DCUN1D2: variants seen among roughly 807,000 people sequenced by gnomAD.
DCUN1D2 encodes defective in cullin neddylation 1 domain containing 2, also known as DCN1-like protein 2.
DCUN1D2 carries 29 observed loss-of-function variants against 30.9 expected under a neutral mutation model. That is an observed-to-expected ratio of 0.94 (90% CI 0.70 to 1.28). DCUN1D2 has a LOEUF of 1.28. DCUN1D2 is among the 50% of genes most tolerant of loss of function. DCUN1D2 has a pLI of 0.00. For missense variants in DCUN1D2, 325 were observed against 316.9 expected, an observed-to-expected ratio of 1.03 and a Z score of -0.19; for synonymous variants, 121 against 115.3, an observed-to-expected ratio of 1.05 and a Z score of -0.32.
intron 1 of DCUN1D2, among the ~76,000 whole-genome samples, chr13:113,489,994 CT>C (rs903898764): frequency 6.6e-6 from 1 of 152,176 alleles, no homozygotes; most frequent in African/African-American, 2.4e-5. Flanking sequence ...CCAGCAGCAC[CT>C]TGCTGGCCTC....
chr13:113,461,156 A>T lies in DCUN1D2; in HGVS notation c.521-20T>A. On this transcript the variant is annotated intron_variant, in intron 4 of 6. Coordinates refer to ENST00000478244, the MANE Select transcript of DCUN1D2 (RefSeq NM_001014283.2). ...CTAAGTCTGGTAAAAAGAAAGAAAG[A>T]GCAGTTAGTAAATCTCACTCTCTTT... 1 of 1,513,666 alleles carries T rather than the reference A, an allele frequency of 6.6e-7. No homozygotes were observed. Among genetic ancestry groups the T allele is most frequent in the Non-Finnish European group, 9.2e-7 (1 of 1,092,822 alleles). 93.8% of individuals were successfully genotyped at this position (1,513,666 alleles called of 1,614,324 possible).
chr13:113,477,047 T>C lies in DCUN1D2; in HGVS notation c.390-2793A>G, dbSNP rs1387926120. ...CTTGATGCCATGTAGTCTTAATTAC[T>C]GTAGCTTTAAAAGTTCCAATTATCT... is the stretch of plus-strand genomic sequence containing the variant. On this transcript the variant is annotated intron_variant, in intron 3 of 6. Coordinates refer to ENST00000478244, the MANE Select transcript of DCUN1D2 (RefSeq NM_001014283.2). 3.3e-5 allele frequency among the ~76,000 whole-genome samples: 5 copies of C among 152,246 alleles called. No individual in the cohort carries two copies. The East Asian group carries it at 5.8e-4, about 18-fold the overall frequency.
Position 113,483,784 on chromosome 13 carries a change from C to T in DCUN1D2, c.220+56G>A, listed in dbSNP as rs541628880. Reference sequence around the variant, plus strand: ...GCACCAGAACCCTGGAAGTGCAGCGCGCAGGCCGCTCGCGGAGGCCGACAT... The same window carrying T: ...GCACCAGAACCCTGGAAGTGCAGCGTGCAGGCCGCTCGCGGAGGCCGACAT... On this transcript the variant is annotated intron_variant, in intron 2 of 6. Transcript: ENST00000478244. The T allele has an allele frequency of 6.1e-4, 943 of 1,556,158 alleles. 7 individuals carry two copies. The highest frequency in any genetic ancestry group is 1.1e-4 in the Non-Finnish European group (123 of 1,137,686).
In DCUN1D2 at chr13:113,473,800, A is replaced by C. The variant is rs187864735; in HGVS notation, c.520+324T>G. On this transcript the variant is annotated intron_variant, in intron 4 of 6. Transcript: ENST00000478244. ...TGCCTGAGCTCAGGAGTTCGAGACC[A>C]GCATAGGCAACAAGGCAAGACCTTG... is the stretch of plus-strand genomic sequence containing the variant. Among the ~76,000 whole-genome samples, 335 of 152,352 alleles carry C rather than the reference A, an allele frequency of 2.2e-3. 3 individuals carry two copies. The highest frequency in any genetic ancestry group is 0.02 in the South Asian group (96 of 4,832).
At chr13:113,483,705 G>A (rs933530742) in intron 2 of DCUN1D2, 135 bp downstream of exon 2, 1 of 774,918 alleles carries the variant, frequency 1.3e-6, no homozygotes, top group East Asian at 2.6e-5. Context: ...GCAGCTGAGC[G>A]CCGAGCGCTG....
rs568082515 is a variant in DCUN1D2 at position 113,485,405 on chromosome 13, T to C, written c.4-1349A>G. ...TTAGTACAAGGACGTGCCTGTCACA[T>C]GTAAGAGCTGGAAATCAGGCTCCAA... On this transcript the variant is annotated intron_variant, in intron 1 of 6. Transcript: ENST00000478244. Among the ~76,000 whole-genome samples, 47 of 152,286 alleles carry C rather than the reference T, an allele frequency of 3.1e-4. No individual in the cohort carries two copies. The South Asian group carries it at 5.2e-3, about 17-fold the overall frequency.
chr13:113,459,230 G>A lies in DCUN1D2; in HGVS notation c.700+82C>T, dbSNP rs376579773. ...TGACCACGCCCATCTCAGTGACGGG[G>A]TCACCACTCTAGAGGCAGGAGAAGT... On this transcript the variant is annotated intron_variant, in intron 6 of 6. Coordinates refer to ENST00000478244, the MANE Select transcript of DCUN1D2 (RefSeq NM_001014283.2). 5 of 777,732 alleles carry A rather than the reference G, an allele frequency of 6.4e-6. No homozygotes were observed. The African/African-American group carries it at 6.8e-5, about 11-fold the overall frequency. 48.2% of individuals were successfully genotyped at this position (777,732 alleles called of 1,614,324 possible). A position where few individuals can be genotyped will look rare whatever the true frequency, so the allele number is the denominator to read the frequency against.
At chr13:113,489,165 T>C in intron 1 of DCUN1D2, 1 of 985,312 alleles carries the variant, frequency 1.0e-6, no homozygotes, top group South Asian at 4.7e-5. Flanking sequence ...TGTTTCGGTA[T>C]ACAGCACGCT....
At chr13:113,476,288 T>A (rs1474496801) in intron 3 of DCUN1D2, among the ~76,000 whole-genome samples, 1 of 152,154 alleles carries the variant, frequency 6.6e-6, no homozygotes, top group Non-Finnish European at 1.5e-5. Context: ...GTAACTGATG[T>A]CAAAACAGTA....
rs896636895 is a variant in DCUN1D2, at chr13:113,488,143, G to T, written c.3+2524C>A. Among the ~76,000 whole-genome samples, 1 of 152,182 alleles carries T rather than the reference G, an allele frequency of 6.6e-6. No individual in the cohort carries two copies. The highest frequency in any genetic ancestry group is 2.4e-5 in the African/African-American group (1 of 41,446). On this transcript the variant is annotated intron_variant, in intron 1 of 6. Transcript: ENST00000478244. The surrounding 1 kb of genome is among the most constrained non-coding windows in gnomAD (Gnocchi z 4.3). ...ACATGGATCCAGGCCACTCAAAATG[G>T]CTTTGAATCACTACTGTTAGCTAGA... is the stretch of plus-strand genomic sequence containing the variant.
At chr13:113,489,066 A>C (rs1481202296) in intron 1 of DCUN1D2, 1 of 970,018 alleles carries the variant, frequency 1.0e-6, no homozygotes, top group South Asian at 4.8e-5. Context: ...AATTACTCTT[A>C]AAATGTCCTT....
intron 4 of DCUN1D2, among the ~76,000 whole-genome samples, chr13:113,464,672 G>A (rs1293897103): frequency 6.6e-6 from 1 of 152,250 alleles, no homozygotes; most frequent in African/African-American, 2.4e-5. Context: ...ACGCTGCAAG[G>A]AGGCCCACGT....
At chr13:113,471,720 C>A (rs1188328003) in intron 4 of DCUN1D2, among the ~76,000 whole-genome samples, 1 of 152,160 alleles carries the variant, frequency 6.6e-6, no homozygotes, top group Non-Finnish European at 1.5e-5. Context: ...TTGACAATAA[C>A]GATCTACGCC....
At chr13:113,458,328 G>C (rs373286268) in intron 6 of DCUN1D2, among the ~76,000 whole-genome samples, 1 of 152,212 alleles carries the variant, frequency 6.6e-6, no homozygotes, top group African/African-American at 2.4e-5. Context: ...GCATGTCTAG[G>C]GGGCTGTGGG....
chr13:113,478,334 C>CT (rs199980148), intron 3 of DCUN1D2, among the ~76,000 whole-genome samples: 13,325 of 145,892 alleles, frequency 0.091, 867 homozygotes, highest in Admixed American at 0.23. Context: ...TCATACATGA[C>CT]TTTTTTTTTT....
chr13:113,480,559 A>G lies in DCUN1D2; in HGVS notation c.389+16T>C. 6.2e-7 allele frequency: 1 copy of G among 1,613,662 alleles called. No individual in the cohort carries two copies. The highest frequency in any genetic ancestry group is 8.5e-7 in the Non-Finnish European group (1 of 1,179,722). On this transcript the variant is annotated intron_variant, in intron 3 of 6. Coordinates refer to ENST00000478244, the MANE Select transcript of DCUN1D2 (RefSeq NM_001014283.2). Reference sequence around the variant, plus strand: ...TTCATTTCTGAAAACATTTAAGCTAAGAATAGTTGACTTACCCAAGTTCTG... The same window carrying G: ...TTCATTTCTGAAAACATTTAAGCTAGGAATAGTTGACTTACCCAAGTTCTG...
At chr13:113,467,464 G>A (rs1021840546) in intron 4 of DCUN1D2, among the ~76,000 whole-genome samples, 1 of 150,988 alleles carries the variant, frequency 6.6e-6, no homozygotes, top group African/African-American at 2.4e-5. Flanking sequence ...TGTTTTCAGA[G>A]TGCCTATTTT....
Position 113,488,703 on chromosome 13 carries a change from C to T in DCUN1D2, c.3+1964G>A, listed in dbSNP as rs578245204. 6.6e-6 allele frequency among the ~76,000 whole-genome samples: 1 copy of T among 152,206 alleles called. No homozygotes were observed. The highest frequency in any genetic ancestry group is 1.9e-4 in the East Asian group (1 of 5,186). Reference sequence around the variant, plus strand: ...AGGCCCAGACGTTGGCAAGAAGCTTCGAGTGCACCCAGACAGGACTGAACC... The same window carrying T: ...AGGCCCAGACGTTGGCAAGAAGCTTTGAGTGCACCCAGACAGGACTGAACC... On this transcript the variant is annotated intron_variant, in intron 1 of 6. Transcript: ENST00000478244. This position sits in a 1 kb window ranked among gnomAD's most constrained non-coding sequence, Gnocchi z 4.3.
chr13:113,480,323 A>G lies in DCUN1D2; in HGVS notation c.389+252T>C, dbSNP rs2044685763. The G allele has an allele frequency of 9.3e-6, 3 of 322,520 alleles. No individual in the cohort carries two copies. In the East Asian group the frequency reaches 1.7e-4, roughly 18 times the overall value. 20.0% of individuals were successfully genotyped at this position (322,520 alleles called of 1,614,324 possible). A position where few individuals can be genotyped will look rare whatever the true frequency, so the allele number is the denominator to read the frequency against. On this transcript the variant is annotated intron_variant, in intron 3 of 6. Coordinates refer to ENST00000478244, the MANE Select transcript of DCUN1D2 (RefSeq NM_001014283.2). ...TTCAAAATTGGAAAGGAAAAAACTC[A>G]AAAAGAAGAAAATGAGTTACAAAAG...
Sources: gnomAD v4.1 joint callset for allele counts (sites outside exome capture counted in the v4.1 genomes callset) on GRCh38, gnomAD v4.1.1 for gene constraint, Gnocchi (gnomAD v3.1) non-coding constraint, MANE v1.5 for transcripts, NCBI Gene and HGNC (gene_info 2026-07-23, HGNC 2026-07-21) for gene names.